HTRA1: variants seen among roughly 807,000 people sequenced by gnomAD.
HTRA1 encodes the protein serine protease HTRA1.
Under a neutral mutation model 49.7 loss-of-function variants are expected in HTRA1, and 26 were observed. The ratio of observed to expected loss-of-function variants is 0.52; its 90% CI spans 0.38 to 0.73. HTRA1 has a LOEUF of 0.73. Among genes scored for constraint, HTRA1 ranks in the 30% least tolerant of loss-of-function variants. The pLI is 0.00. For synonymous variants in HTRA1, 291 were observed against 286.9 expected, an observed-to-expected ratio of 1.01 and a Z score of -0.14; for missense variants, 561 against 667.2, an observed-to-expected ratio of 0.84 and a Z score of 1.75.
chr10:122,488,761 C>T, intron 1 of HTRA1, 141 bp from the exon 2 acceptor site: 1 of 770,358 alleles, frequency 1.3e-6, no homozygotes, highest in Non-Finnish European at 2.3e-6. Flanking sequence ...TGCAGCTGAG[C>T]CCAGGTGGGG....
At chr10:122,484,430 A>G (rs538173361) in intron 1 of HTRA1, among the ~76,000 whole-genome samples, 99 of 152,276 alleles carry the variant, frequency 6.5e-4, no homozygotes, top group Non-Finnish European at 2.9e-5. Context: ...TCCCTGGATC[A>G]TACCTTCGCA....
chr10:122,461,660 T>C lies in HTRA1; in HGVS notation c.8T>C (p.Ile3Thr). The C allele has an allele frequency of 7.6e-7, 1 of 1,312,154 alleles. No homozygotes were observed. The highest frequency in any genetic ancestry group is 1.6e-5 in the African/African-American group (1 of 62,954). The allele number at this position is 1,312,154 out of a possible 1,614,324, so 81.3% of individuals were successfully genotyped here. ...GCCGCCGCCAGAGTCGCCATGCAGA[T>C]CCCGCGCGCCGCTCTTCTCCCGCTG... MQIPRAALLPLLL... is the reference protein window; with the variant it reads MQTPRAALLPLLL... Residue 3 changes from isoleucine (I) to threonine (T), a missense_variant, in exon 1 of 9, where the codon ATC becomes ACC. By Grantham distance (89) the Ile-to-Thr change is moderately conservative. This residue lies in a region of HTRA1 where 111 missense variants were observed against 83.7 expected (regional missense o/e 1.33). Transcript: ENST00000368984.
chr10:122,482,945 CA>C (rs1305534691), intron 1 of HTRA1, among the ~76,000 whole-genome samples: 11 of 135,210 alleles, frequency 8.1e-5, no homozygotes, highest in Admixed American at 7.4e-4. Context: ...AAAAAAAGCA[CA>C]TATTCATTTT....
intron 2 of HTRA1, 73 bp from the exon 3 acceptor site, chr10:122,489,349 C>A (rs2097494638): frequency 5.2e-6 from 7 of 1,346,736 alleles, no homozygotes; most frequent in Non-Finnish European, 5.3e-6. Context: ...TGTTGCACAA[C>A]CCATTAATCA....
At chr10:122,473,321 G>C (rs2097486960) in intron 1 of HTRA1, among the ~76,000 whole-genome samples, 1 of 152,156 alleles carries the variant, frequency 6.6e-6, no homozygotes, top group Admixed American at 6.5e-5. Context: ...CACAAGCTAA[G>C]AGGCGACAGA....
chr10:122,507,782 G>A (rs1253859163), intron 5 of HTRA1, among the ~76,000 whole-genome samples: 1 of 152,226 alleles, frequency 6.6e-6, no homozygotes, highest in Non-Finnish European at 1.5e-5. Context: ...CTCCTGGGCT[G>A]CTGAAGGAGC....
chr10:122,508,472 G>A (rs1463974120), intron 5 of HTRA1, among the ~76,000 whole-genome samples, 184 bp from the exon 6 acceptor site: 2 of 152,254 alleles, frequency 1.3e-5, no homozygotes, highest in Non-Finnish European at 2.9e-5. Context: ...ACAGCTGCGC[G>A]TGGCTCGCGC....
In HTRA1 at chr10:122,494,741, T is replaced by C. The variant is rs2097497777; in HGVS notation, c.777+5115T>C. On this transcript the variant is annotated intron_variant, in intron 3 of 8. Coordinates refer to ENST00000368984, the MANE Select transcript of HTRA1 (RefSeq NM_002775.5). The surrounding 1 kb of genome is among the most constrained non-coding windows in gnomAD (Gnocchi z 4.0). ...GGAGCCCTCTGGGCGCTGGGGCCGC[T>C]GTGTTTGCAGAGGGTCCTCTTACTG... Among the ~76,000 whole-genome samples, 1 of 151,986 alleles carries C rather than the reference T, an allele frequency of 6.6e-6. No individual in the cohort carries two copies. The highest frequency in any genetic ancestry group is 1.5e-5 in the Non-Finnish European group (1 of 67,976).
rs1431490158 is a variant in HTRA1, at chr10:122,489,503, T to C, written c.654T>C (p.Asn218=). ...CGGAAGATGGACTGATCGTGACAAA[T>C]GCCCACGTGGTGACCAACAAGCACC... ...IVSEDGLIVT[N]AHVVTNKHRV... Residue 218 remains asparagine (N), a synonymous_variant, in exon 3 of 9, where the codon AAT becomes AAC. Transcript: ENST00000368984. 5 of 1,614,044 alleles carry C rather than the reference T, an allele frequency of 3.1e-6. No individual in the cohort carries two copies. Among genetic ancestry groups the C allele is most frequent in the South Asian group, 1.1e-5 (1 of 91,090 alleles).
chr10:122,484,615 T>C (rs1276145178), intron 1 of HTRA1, among the ~76,000 whole-genome samples: 1 of 152,222 alleles, frequency 6.6e-6, no homozygotes, highest in African/African-American at 2.4e-5. Context: ...TTGTATGCCG[T>C]GGCTTGATCA....
chr10:122,473,711 C>G (rs1413867487), intron 1 of HTRA1, among the ~76,000 whole-genome samples: 1 of 152,134 alleles, frequency 6.6e-6, no homozygotes, highest in Non-Finnish European at 1.5e-5. Context: ...TAAAAAGAAA[C>G]CCCGTATCCA....
intron 1 of HTRA1, among the ~76,000 whole-genome samples, chr10:122,479,673 C>T (rs1390458714): frequency 6.6e-6 from 1 of 151,984 alleles, no homozygotes; most frequent in African/African-American, 2.4e-5. Flanking sequence ...TGGGGTGGAG[C>T]ACTTTGGAGG....
At chr10:122,512,564 G>A (rs2097506107) in intron 8 of HTRA1, among the ~76,000 whole-genome samples, 1 of 152,198 alleles carries the variant, frequency 6.6e-6, no homozygotes, top group Admixed American at 6.5e-5. Context: ...TTTGTTACCT[G>A]TATTGGCGGA....
chr10:122,468,235 C>A (rs2097484575), intron 1 of HTRA1, among the ~76,000 whole-genome samples: 1 of 152,128 alleles, frequency 6.6e-6, no homozygotes, highest in Non-Finnish European at 1.5e-5. Context: ...TCTTGGGTGA[C>A]TTCATCTCTA....
chr10:122,509,988 T>C, intron 6 of HTRA1, 108 bp from the exon 7 acceptor site: 1 of 894,186 alleles, frequency 1.1e-6, no homozygotes, highest in African/African-American at 1.6e-5. Context: ...CAGTGTACCC[T>C]TCTGTGGCCC....
intron 1 of HTRA1, among the ~76,000 whole-genome samples, chr10:122,488,533 G>A (rs190462419): frequency 6.6e-6 from 1 of 152,286 alleles, no homozygotes; most frequent in East Asian, 1.9e-4. Context: ...TTGCACTCCA[G>A]CCTGGGTGAC....
At position 122,464,536 on chromosome 10, in the gene HTRA1, AT is replaced by A. The variant is rs2097482961; in HGVS notation, c.472+2414del. Reference sequence around the variant, plus strand: ...CATCGGAGGTACTTGGTACGAGTGGATTAGTGAATGAATAAATGAATGAATG... The same window carrying A: ...CATCGGAGGTACTTGGTACGAGTGGATAGTGAATGAATAAATGAATGAATG... On this transcript the variant is annotated intron_variant, in intron 1 of 8. Coordinates refer to ENST00000368984, the MANE Select transcript of HTRA1 (RefSeq NM_002775.5). The surrounding 1 kb of genome is among the most constrained non-coding windows in gnomAD (Gnocchi z 4.8). Among the ~76,000 whole-genome samples, 3 of 152,172 alleles carry A rather than the reference AT, an allele frequency of 2.0e-5. No individual in the cohort carries two copies. Among genetic ancestry groups the A allele is most frequent in the Non-Finnish European group, 2.9e-5 (2 of 68,046 alleles).
intron 1 of HTRA1, among the ~76,000 whole-genome samples, 162 bp downstream of exon 1, chr10:122,462,286 G>T (rs376186836): frequency 2.2e-4 from 34 of 152,234 alleles, no homozygotes; most frequent in African/African-American, 6.8e-4. Context: ...GGATTTCCGC[G>T]GGCTGCCTCG....
At chr10:122,463,348 C>T (rs1220478528) in intron 1 of HTRA1, among the ~76,000 whole-genome samples, 1 of 150,472 alleles carries the variant, frequency 6.6e-6, no homozygotes, top group Non-Finnish European at 1.5e-5. Flanking sequence ...TCAGCCTAGT[C>T]AGGCAGTAGA....
Sources: gnomAD v4.1 joint callset for allele counts (sites outside exome capture counted in the v4.1 genomes callset) on GRCh38, gnomAD v4.1.1 for gene constraint, gnomAD v4.1.1 regional missense constraint, Gnocchi (gnomAD v3.1) non-coding constraint, MANE v1.5 for transcripts, NCBI Gene and HGNC (gene_info 2026-07-23, HGNC 2026-07-21) for gene names.